CSMD1: variants seen among roughly 807,000 people sequenced by gnomAD.
CSMD1 encodes the protein CUB and Sushi multiple domains 1.
In CSMD1, 213 loss-of-function variants were observed where a neutral mutation model predicts 417.5. That is an observed-to-expected ratio of 0.51 (90% CI 0.46 to 0.57). The LOEUF (loss-of-function observed/expected upper bound fraction) is 0.57, where lower values mean the gene tolerates loss of function less well. CSMD1 is among the 20% of genes least tolerant of loss of function. The pLI, the probability that CSMD1 is intolerant of heterozygous loss-of-function variation, is 0.00. For synonymous variants in CSMD1, 2,862 were observed against 1,736.8 expected (o/e 1.65, Z -16.11); for missense variants, 6,923 against 4,529.7 (o/e 1.53, Z -15.17).
chr8:4,382,275 G>A (rs968159517), intron 3 of CSMD1, among the ~76,000 whole-genome samples: 1 of 152,074 alleles, frequency 6.6e-6, no homozygotes, highest in Non-Finnish European at 1.5e-5. Flanking sequence ...GACAGCACTG[G>A]GGCTTATTGA....
intron 7 of CSMD1, among the ~76,000 whole-genome samples, chr8:3,636,540 T>C (rs13279667): frequency 0.46 from 69,182 of 152,022 alleles, 15,872 homozygotes; most frequent in Middle Eastern, 0.63. Flanking sequence ...TAACCTACCA[T>C]CTGTTCCTGA....
At chr8:4,106,081 T>C (rs13262992) in intron 3 of CSMD1, among the ~76,000 whole-genome samples, 20,825 of 152,234 alleles carry the variant, frequency 0.14, 1,948 homozygotes, top group African/African-American at 0.26. Context: ...AAGAGCTATG[T>C]AGAGTCTCTG....
intron 5 of CSMD1, among the ~76,000 whole-genome samples, chr8:3,953,946 C>A (rs755236737): frequency 6.6e-6 from 1 of 152,210 alleles, no homozygotes; most frequent in African/African-American, 2.4e-5. Flanking sequence ...GGCTCTGGGT[C>A]TCGCCTTAGG....
intron 2 of CSMD1, among the ~76,000 whole-genome samples, chr8:4,439,999 G>A (rs775967544): frequency 9.2e-5 from 14 of 152,080 alleles, no homozygotes; most frequent in Non-Finnish European, 1.6e-4. Context: ...GACATGGGGG[G>A]TATACACTTA....
chr8:4,719,949 CACTTT>C (rs1563214361), intron 1 of CSMD1, among the ~76,000 whole-genome samples: 4 of 152,060 alleles, frequency 2.6e-5, no homozygotes, highest in Admixed American at 6.6e-5. Flanking sequence ...AATGTCACCT[CACTTT>C]AAATTTTTTG....
At chr8:4,522,814 A>G (rs1180902335) in intron 2 of CSMD1, among the ~76,000 whole-genome samples, 1 of 152,206 alleles carries the variant, frequency 6.6e-6, no homozygotes, top group Non-Finnish European at 1.5e-5. Context: ...AAATAAGAAC[A>G]GTAAGAATAG....
intron 5 of CSMD1, among the ~76,000 whole-genome samples, chr8:3,916,655 C>G (rs139117873): frequency 6.4e-4 from 97 of 152,152 alleles, no homozygotes; most frequent in South Asian, 2.1e-3. Flanking sequence ...ACAGGCAACC[C>G]GGATGTATTC....
In CSMD1 at chr8:3,930,474, C is replaced by G. The variant is rs554865567; in HGVS notation, c.818+67429G>C. On this transcript the variant is annotated intron_variant, in intron 5 of 69. Transcript: ENST00000635120. ...TTTGAAGGTCTTTTTACCTTTCTCA[C>G]CATTCCACAAGTTACTTCCTCCTTC... Among the ~76,000 whole-genome samples the G allele has an allele frequency of 9.8e-4, 148 of 150,728 alleles. 6 individuals carry two copies. The highest frequency in any genetic ancestry group is 6.8e-3 in the Middle Eastern group (2 of 294).
chr8:4,947,853 T>C (rs1290013185), intron 1 of CSMD1, among the ~76,000 whole-genome samples: 3 of 152,150 alleles, frequency 2.0e-5, no homozygotes, highest in African/African-American at 7.2e-5. Context: ...TCCTCACTGC[T>C]ATACAAAATA....
At chr8:3,649,573 T>C (rs560564896) in intron 7 of CSMD1, among the ~76,000 whole-genome samples, 111 of 152,212 alleles carry the variant, frequency 7.3e-4, no homozygotes, top group African/African-American at 2.4e-3. Context: ...CTGTGCAAAG[T>C]GGGGAGAGCC....
intron 3 of CSMD1, among the ~76,000 whole-genome samples, chr8:4,258,798 C>A (rs935445750): frequency 6.6e-6 from 1 of 152,066 alleles, no homozygotes; most frequent in Non-Finnish European, 1.5e-5. Context: ...TATTTAGAGG[C>A]AACTCTAAGG....
chr8:3,935,216 C>G (rs1206666293), intron 5 of CSMD1, among the ~76,000 whole-genome samples: 2 of 152,068 alleles, frequency 1.3e-5, no homozygotes, highest in Admixed American at 6.6e-5. Flanking sequence ...TCCAACAGAA[C>G]AAATGGAAAT....
At chr8:3,721,765 G>C (rs997369427) in intron 6 of CSMD1, among the ~76,000 whole-genome samples, 6 of 152,120 alleles carry the variant, frequency 3.9e-5, no homozygotes, top group Non-Finnish European at 8.8e-5. Context: ...TTTACATGAG[G>C]ATAATAGAAT....
chr8:3,855,314 A>G (rs976419687), intron 5 of CSMD1, among the ~76,000 whole-genome samples: 3 of 152,324 alleles, frequency 2.0e-5, no homozygotes, highest in Admixed American at 6.5e-5. Context: ...ATTAAAAATT[A>G]TCTATATTTT....
At chr8:4,589,733 A>C (rs1223387339) in intron 2 of CSMD1, among the ~76,000 whole-genome samples, 1 of 152,238 alleles carries the variant, frequency 6.6e-6, no homozygotes, top group East Asian at 1.9e-4. Context: ...AATTGCCATT[A>C]TCACGGCCAA....
chr8:4,305,716 C>G (rs1798207661), intron 3 of CSMD1, among the ~76,000 whole-genome samples: 1 of 152,198 alleles, frequency 6.6e-6, no homozygotes, highest in Non-Finnish European at 1.5e-5. Context: ...ATGGAATGAT[C>G]TCTTGCATGT....
intron 49 of CSMD1, among the ~76,000 whole-genome samples, chr8:3,059,903 T>C (rs559109707): frequency 3.3e-5 from 5 of 152,026 alleles, no homozygotes; most frequent in Non-Finnish European, 7.4e-5. Context: ...GGCAAGTAGA[T>C]TCAGGGGAGA....
intron 1 of CSMD1, among the ~76,000 whole-genome samples, chr8:4,808,801 A>G (rs940673993): frequency 2.1e-4 from 32 of 152,250 alleles, no homozygotes; most frequent in African/African-American, 7.7e-4. Flanking sequence ...CCCCAGGCCA[A>G]CAGGCATGTA....
intron 3 of CSMD1, among the ~76,000 whole-genome samples, chr8:4,150,235 C>G (rs773623612): frequency 1.6e-4 from 24 of 152,170 alleles, no homozygotes; most frequent in Non-Finnish European, 3.1e-4. Context: ...GCCATTTTTC[C>G]ATCATGCACC....
Sources: gnomAD v4.1 joint callset for allele counts (sites outside exome capture counted in the v4.1 genomes callset) on GRCh38, gnomAD v4.1.1 for gene constraint, MANE v1.5 for transcripts, NCBI Gene and HGNC (gene_info 2026-07-23, HGNC 2026-07-21) for gene names.